The following FLT3 variants were observed in gnomAD, a reference collection of about 807,000 sequenced individuals.
FLT3 encodes the protein fms related receptor tyrosine kinase 3.
FLT3 carries 46 observed loss-of-function variants against 126.6 expected under a neutral mutation model. That is an observed-to-expected ratio of 0.36 (90% CI 0.29 to 0.46). FLT3 has a LOEUF of 0.46. Among genes scored for constraint, FLT3 ranks in the 20% least tolerant of loss-of-function variants. FLT3 has a pLI of 1.00. For missense variants in FLT3, 1,069 were observed against 1,190.3 expected (o/e 0.90, Z 1.50); for synonymous variants, 404 against 434.4 (o/e 0.93, Z 0.87).
chr13:28,029,027 C>T (rs1206183213), intron 15 of FLT3, among the ~76,000 whole-genome samples: 3 of 152,220 alleles, frequency 2.0e-5, no homozygotes, highest in African/African-American at 7.2e-5. Flanking sequence ...AGCAATCCTC[C>T]CAACTCCGCC....
At chr13:28,057,321 G>A in intron 4 of FLT3, 26 bp downstream of exon 4, 1 of 976,302 alleles carries the variant, frequency 1.0e-6, no homozygotes, top group Non-Finnish European at 1.7e-6. Flanking sequence ...TTCCAGGCTG[G>A]AATACTAGTA....
intron 15 of FLT3, among the ~76,000 whole-genome samples, chr13:28,030,575 C>T (rs951670488): frequency 1.3e-5 from 2 of 152,078 alleles, no homozygotes; most frequent in Non-Finnish European, 2.9e-5. Context: ...AAATGCAATA[C>T]GGCAGGCAAG....
intron 1 of FLT3, among the ~76,000 whole-genome samples, chr13:28,093,063 A>G (rs1412768766): frequency 6.6e-6 from 1 of 151,744 alleles, no homozygotes; most frequent in Non-Finnish European, 1.5e-5. Context: ...CTGGGACTAC[A>G]GACATGTGCC....
chr13:28,018,929 A>G (rs898735878), intron 19 of FLT3, among the ~76,000 whole-genome samples: 1 of 151,484 alleles, frequency 6.6e-6, no homozygotes, highest in Non-Finnish European at 1.5e-5. Flanking sequence ...GCTGTCCTCC[A>G]GTACTCTTAT....
At chr13:28,013,308 A>G (rs924720443) in intron 23 of FLT3, among the ~76,000 whole-genome samples, 10 of 152,250 alleles carry the variant, frequency 6.6e-5, no homozygotes, top group Non-Finnish European at 1.3e-4. Flanking sequence ...CTAACATTTT[A>G]TGGAGTAAAT....
chr13:28,045,000 A>G (rs567665053), intron 9 of FLT3, among the ~76,000 whole-genome samples: 1 of 152,240 alleles, frequency 6.6e-6, no homozygotes, highest in East Asian at 1.9e-4. Context: ...TGTGACATAC[A>G]TACTTATCTG....
At position 28,048,456 on chromosome 13, in the gene FLT3, A is replaced by G; in HGVS notation, c.1037-13T>C. The G allele has an allele frequency of 6.6e-7, 1 of 1,525,374 alleles. No homozygotes were observed. Among genetic ancestry groups the G allele is most frequent in the Non-Finnish European group, 9.1e-7 (1 of 1,102,982 alleles). 94.5% of individuals were successfully genotyped at this position (1,525,374 alleles called of 1,614,324 possible). ...ATAAATCCCTTTTCTGTAAGAAAAAATAGGCATTTATGAGTTAGTTAATAA... is the reference window on the plus strand; with the variant it reads ...ATAAATCCCTTTTCTGTAAGAAAAAGTAGGCATTTATGAGTTAGTTAATAA... On this transcript the variant is annotated splice_polypyrimidine_tract_variant and intron_variant, in intron 8 of 23. Coordinates refer to ENST00000241453, the MANE Select transcript of FLT3 (RefSeq NM_004119.3).
intron 2 of FLT3, chr13:28,067,594 A>C (rs9554235): frequency 0.18 from 27,602 of 152,696 alleles, 2,603 homozygotes; most frequent in Middle Eastern, 0.24. Flanking sequence ...ATATCTCAAA[A>C]TCACAATGTT....
intron 20 of FLT3, among the ~76,000 whole-genome samples, chr13:28,016,195 G>A (rs1046664251): frequency 1.3e-5 from 2 of 152,082 alleles, no homozygotes; most frequent in Non-Finnish European, 2.9e-5. Context: ...AGGGAGTTTT[G>A]ACTTAGTATA....
chr13:28,064,766 A>T (rs977979885), intron 2 of FLT3, among the ~76,000 whole-genome samples: 1 of 152,062 alleles, frequency 6.6e-6, no homozygotes, highest in African/African-American at 2.4e-5. Flanking sequence ...TTGCTGGGGG[A>T]ACACACCCTG....
rs759474779 is a variant in FLT3, at chr13:28,034,388, T to C, written c.1617A>G (p.Gln539=). The change falls in exon 13 of 24, where the codon CAA becomes CAG. Residue 539 remains glutamine (Q), a synonymous_variant. Coordinates refer to ENST00000241453, the MANE Select transcript of FLT3 (RefSeq NM_004119.3). ...LNSPGPFPFI[Q]DNISFYATIG... is the part of the protein sequence containing the mutation. ...TTGTTGCATAGAATGAGATGTTGTC[T>C]TGGATGAAAGGGAAGGGGCCTGCAA... is the stretch of plus-strand genomic sequence containing the variant. 1 of 1,613,860 alleles carries C rather than the reference T, an allele frequency of 6.2e-7. No individual in the cohort carries two copies. Among genetic ancestry groups the C allele is most frequent in the Non-Finnish European group, 8.5e-7 (1 of 1,179,756 alleles).
At chr13:28,092,985 G>C (rs1477196885) in intron 1 of FLT3, among the ~76,000 whole-genome samples, 2 of 136,842 alleles carry the variant, frequency 1.5e-5, no homozygotes, top group African/African-American at 5.5e-5. Flanking sequence ...ACAGTGGTGT[G>C]ATCTCGGCTC....
chr13:28,020,764 G>T (rs1245015573), intron 19 of FLT3, among the ~76,000 whole-genome samples: 1 of 152,052 alleles, frequency 6.6e-6, no homozygotes, highest in Non-Finnish European at 1.5e-5. Flanking sequence ...CTAGTACAGT[G>T]CTTGGCATGT....
intron 23 of FLT3, among the ~76,000 whole-genome samples, chr13:28,004,695 T>C (rs1335103563): frequency 6.6e-6 from 1 of 152,234 alleles, no homozygotes. Context: ...TTATTATGCA[T>C]AGGTCTCAGA....
At chr13:28,095,910 C>A (rs1262365503) in intron 1 of FLT3, among the ~76,000 whole-genome samples, 1 of 152,100 alleles carries the variant, frequency 6.6e-6, no homozygotes, top group Non-Finnish European at 1.5e-5. Context: ...GTGGTCAATA[C>A]CTTTGCTTAA....
chr13:28,070,987 C>T (rs2137789202), intron 1 of FLT3, among the ~76,000 whole-genome samples: 1 of 112,822 alleles, frequency 8.9e-6, no homozygotes, highest in South Asian at 2.9e-4. Flanking sequence ...ATATAGATTT[C>T]TACCTTTTTT....
chr13:28,008,173 C>T (rs9512971), intron 23 of FLT3, among the ~76,000 whole-genome samples: 41,632 of 150,792 alleles, frequency 0.28, 7,005 homozygotes, highest in South Asian at 0.52. Flanking sequence ...AGCAAGATCC[C>T]CATCTCTGCA....
chr13:28,056,856 T>C (rs144765188), intron 4 of FLT3, among the ~76,000 whole-genome samples: 34 of 152,354 alleles, frequency 2.2e-4, no homozygotes, highest in African/African-American at 7.9e-4. Context: ...GCTACTGTAT[T>C]GGAAAGAACA....
At chr13:28,048,475 T>C (rs1281503466) in intron 8 of FLT3, 32 bp from the exon 9 acceptor site, 1 of 1,365,592 alleles carries the variant, frequency 7.3e-7, no homozygotes, top group East Asian at 2.3e-5. Context: ...TATGAGTTAG[T>C]TAATAATATT....
Sources: allele counts gnomAD v4.1 joint callset (sites outside exome capture counted in the v4.1 genomes callset), GRCh38; gene constraint gnomAD v4.1.1; transcripts MANE v1.5; gene names NCBI Gene and HGNC (gene_info 2026-07-23, HGNC 2026-07-21).